Variants in POFUT3 observed in about 807,000 individuals in gnomAD.
POFUT3 encodes the protein protein O-fucosyltransferase 3.
the POFUT3 span, among the ~76,000 whole-genome samples, chr8:33,319,228 T>TATA: frequency 2.4e-5 from 1 of 41,068 alleles, no homozygotes; most frequent in African/African-American, 8.6e-5. Flanking sequence ...TATTTATATA[T>TATA]TTTACATAAT....
chr8:33,376,623 G>A, the POFUT3 span, among the ~76,000 whole-genome samples: 1 of 152,206 alleles, frequency 6.6e-6, no homozygotes, highest in African/African-American at 2.4e-5. Context: ...CCTAGAACTT[G>A]AGCAGGAATT....
At chr8:33,360,898 T>C in the POFUT3 span, 4 of 152,078 alleles carry the variant, frequency 2.6e-5, no homozygotes, top group Non-Finnish European at 1.5e-5. Context: ...ATGGAAGTGG[T>C]TCATCACTTA....
At chr8:33,427,420 A>T in the POFUT3 span, among the ~76,000 whole-genome samples, 8 of 152,162 alleles carry the variant, frequency 5.3e-5, no homozygotes, top group South Asian at 1.7e-3. Context: ...TCTACTAAAA[A>T]TGCAAAAAAT....
At chr8:33,384,505 C>T in the POFUT3 span, among the ~76,000 whole-genome samples, 1 of 152,144 alleles carries the variant, frequency 6.6e-6, no homozygotes, top group Non-Finnish European at 1.5e-5. Context: ...TCTGCCTACT[C>T]TATCACTCAG....
At chr8:33,309,157 AAAAAAAAAAAAT>A in the POFUT3 span, among the ~76,000 whole-genome samples, 7 of 49,652 alleles carry the variant, frequency 1.4e-4, no homozygotes, top group Admixed American at 2.1e-4. Context: ...AAAAAAAAAA[AAAAAAAAAAAAT>A]ATATATATAT....
At chr8:33,432,148 G>A in the POFUT3 span, among the ~76,000 whole-genome samples, 21 of 152,036 alleles carry the variant, frequency 1.4e-4, no homozygotes, top group South Asian at 1.0e-3. Context: ...GGTGGCTCAC[G>A]CCTGTAATCC....
the POFUT3 span, among the ~76,000 whole-genome samples, chr8:33,370,169 TAAAAAAAAAAA>T: frequency 7.5e-4 from 30 of 39,894 alleles, 1 homozygote; most frequent in Admixed American, 0.01. Flanking sequence ...CCATCTTTAC[TAAAAAAAAAAA>T]AAAAAAAAAA....
At chr8:33,362,305 G>A in the POFUT3 span, among the ~76,000 whole-genome samples, 3 of 151,728 alleles carry the variant, frequency 2.0e-5, no homozygotes, top group African/African-American at 4.8e-5. Flanking sequence ...TACAAGCCAC[G>A]GGAAAAAAAA....
the POFUT3 span, among the ~76,000 whole-genome samples, chr8:33,335,575 A>T: frequency 2.0e-5 from 3 of 152,134 alleles, no homozygotes; most frequent in Non-Finnish European, 4.4e-5. Context: ...CTTTTGACTA[A>T]TGTAGGGGTT....
At chr8:33,416,830 CAAAAAAAAA>C in the POFUT3 span, among the ~76,000 whole-genome samples, 3 of 44,560 alleles carry the variant, frequency 6.7e-5, no homozygotes, top group Non-Finnish European at 1.6e-4. Flanking sequence ...TGGGCGACGA[CAAAAAAAAA>C]AAAAAAAAAA....
chr8:33,309,351 T>TTGTGTGTGTG, the POFUT3 span, among the ~76,000 whole-genome samples: 21 of 142,562 alleles, frequency 1.5e-4, no homozygotes, highest in Middle Eastern at 3.6e-3. Flanking sequence ...CTTAAAGGTA[T>TTGTGTGTGTG]TGTGTGTGTG....
At chr8:33,450,572 T>C in the POFUT3 span, among the ~76,000 whole-genome samples, 1 of 152,182 alleles carries the variant, frequency 6.6e-6, no homozygotes, top group Non-Finnish European at 1.5e-5. Flanking sequence ...GTTTGACTTT[T>C]GAATGTAAGG....
At chr8:33,387,796 T>C in the POFUT3 span, among the ~76,000 whole-genome samples, 1 of 151,932 alleles carries the variant, frequency 6.6e-6, no homozygotes, top group Non-Finnish European at 1.5e-5. Flanking sequence ...AGAGTGAGAC[T>C]CGGTCTCAAA....
At chr8:33,424,217 A>G in the POFUT3 span, among the ~76,000 whole-genome samples, 1 of 152,278 alleles carries the variant, frequency 6.6e-6, no homozygotes, top group African/African-American at 2.4e-5. Context: ...TAGCCACAAT[A>G]TGATTTGGGC....
At chr8:33,366,880 G>A in the POFUT3 span, among the ~76,000 whole-genome samples, 21 of 152,114 alleles carry the variant, frequency 1.4e-4, no homozygotes, top group Non-Finnish European at 2.5e-4. Flanking sequence ...CAAGCACTGT[G>A]AGACTCCTGT....
the POFUT3 span, among the ~76,000 whole-genome samples, chr8:33,316,337 A>AG: frequency 4.6e-5 from 7 of 152,112 alleles, no homozygotes; most frequent in Non-Finnish European, 1.0e-4. Context: ...ATGGTTACTA[A>AG]GGGGTAACAT....
the POFUT3 span, chr8:33,388,748 A>C: frequency 1.0e-5 from 6 of 577,076 alleles, no homozygotes; most frequent in Non-Finnish European, 1.8e-5. Flanking sequence ...AAGGAGAATG[A>C]AGGCTTTCAG....
chr8:33,315,006 C>G, the POFUT3 span, among the ~76,000 whole-genome samples: 1 of 152,042 alleles, frequency 6.6e-6, no homozygotes, highest in Non-Finnish European at 1.5e-5. Context: ...TCAGTAGAAC[C>G]AAAACTTCTT....
chr8:33,463,931 T>G, the POFUT3 span, among the ~76,000 whole-genome samples: 1 of 152,084 alleles, frequency 6.6e-6, no homozygotes, highest in East Asian at 1.9e-4. Context: ...AAAGTGCATT[T>G]TTCTTCTTTC....
Sources: allele counts gnomAD v4.1 joint callset (sites outside exome capture counted in the v4.1 genomes callset), GRCh38; gene constraint gnomAD v4.1.1; transcripts MANE v1.5; gene names NCBI Gene and HGNC (gene_info 2026-07-23, HGNC 2026-07-21).